CACNB2: variants seen among roughly 807,000 people sequenced by gnomAD.
CACNB2 encodes calcium voltage-gated channel auxiliary subunit beta 2.
CACNB2 carries 42 observed loss-of-function variants against 73.3 expected under a neutral mutation model. The ratio of observed to expected loss-of-function variants is 0.57; its 90% CI spans 0.45 to 0.74. The LOEUF is 0.74. Among genes scored for constraint, CACNB2 ranks in the 30% least tolerant of loss-of-function variants. The pLI, the probability that CACNB2 is intolerant of heterozygous loss-of-function variation, is 0.00. For synonymous variants in CACNB2, 348 were observed against 310.3 expected (o/e 1.12, Z -1.28); for missense variants, 940 against 853.0 (o/e 1.10, Z -1.27).
At chr10:18,511,064 A>G (rs2050748790) in intron 6 of CACNB2, among the ~76,000 whole-genome samples, 1 of 152,220 alleles carries the variant, frequency 6.6e-6, no homozygotes, top group African/African-American at 2.4e-5. Flanking sequence ...ATAGGATGGT[A>G]TAAAAGTCAG....
intron 3 of CACNB2, among the ~76,000 whole-genome samples, chr10:18,430,472 A>AG (rs2045834160): frequency 1.3e-5 from 2 of 152,016 alleles, no homozygotes; most frequent in South Asian, 4.2e-4. Context: ...AAAAAAAAAA[A>AG]TTAATTAATT....
At position 18,517,080 on chromosome 10, in the gene CACNB2, T is replaced by C. The variant is rs1477631716; in HGVS notation, c.805-1256T>C. Among the ~76,000 whole-genome samples the C allele has an allele frequency of 2.0e-5, 3 of 152,324 alleles. No individual in the cohort carries two copies. In the East Asian group the frequency reaches 5.8e-4, roughly 29 times the overall value. ...TGTAATGGGCAATTTTAAGCAACAATAAAATGTTCTTGAGTGACGGGCAGA... is the reference window on the plus strand; with the variant it reads ...TGTAATGGGCAATTTTAAGCAACAACAAAATGTTCTTGAGTGACGGGCAGA... On this transcript the variant is annotated intron_variant, in intron 7 of 13. Transcript: ENST00000324631.
At chr10:18,333,187 C>T (rs1229458998) in intron 2 of CACNB2, among the ~76,000 whole-genome samples, 8 of 152,062 alleles carry the variant, frequency 5.3e-5, no homozygotes, top group Non-Finnish European at 7.4e-5. Flanking sequence ...TGCAGTTAGT[C>T]GTAATATGCT....
chr10:18,330,683 T>C (rs1429385923), intron 2 of CACNB2, among the ~76,000 whole-genome samples: 1 of 152,122 alleles, frequency 6.6e-6, no homozygotes, highest in Non-Finnish European at 1.5e-5. Context: ...ACTTTTTTTT[T>C]TTTGAGATGG....
At chr10:18,459,467 C>T (rs2047450825) in intron 3 of CACNB2, among the ~76,000 whole-genome samples, 1 of 152,184 alleles carries the variant, frequency 6.6e-6, no homozygotes, top group African/African-American at 2.4e-5. Flanking sequence ...GCTGGGAATA[C>T]CTGAATCATC....
intron 1 of CACNB2, 30 bp from the exon 2 acceptor site, chr10:18,150,853 G>GTATTT: frequency 1.5e-6 from 1 of 655,034 alleles, no homozygotes; most frequent in Non-Finnish European, 2.1e-6. Flanking sequence ...AATCTTATTT[G>GTATTT]TCTTTTTTTT....
chr10:18,294,775 G>A (rs1023365278), intron 2 of CACNB2, among the ~76,000 whole-genome samples: 3 of 152,232 alleles, frequency 2.0e-5, no homozygotes, highest in African/African-American at 4.8e-5. Flanking sequence ...TGGCTGAATC[G>A]TAGTGTCATT....
intron 2 of CACNB2, among the ~76,000 whole-genome samples, chr10:18,319,159 G>T (rs2040303948): frequency 6.6e-6 from 1 of 152,112 alleles, no homozygotes; most frequent in Admixed American, 6.5e-5. Flanking sequence ...TACATTTATT[G>T]TGGCACTGTT....
intron 2 of CACNB2, among the ~76,000 whole-genome samples, chr10:18,334,301 C>T (rs1194398754): frequency 6.6e-6 from 1 of 152,114 alleles, no homozygotes; most frequent in Non-Finnish European, 1.5e-5. Context: ...CCCAGCTACT[C>T]CAGTGGCGTC....
At chr10:18,445,271 A>G (rs2046675860) in intron 3 of CACNB2, among the ~76,000 whole-genome samples, 1 of 152,228 alleles carries the variant, frequency 6.6e-6, no homozygotes, top group Non-Finnish European at 1.5e-5. Flanking sequence ...GAACTGGTAC[A>G]AATTACTATG....
At chr10:18,452,249 C>T (rs556638835) in intron 3 of CACNB2, among the ~76,000 whole-genome samples, 19 of 151,918 alleles carry the variant, frequency 1.3e-4, no homozygotes, top group Non-Finnish European at 2.2e-4. Flanking sequence ...AAAGTGAGAC[C>T]CTGTCTTTAC....
intron 3 of CACNB2, among the ~76,000 whole-genome samples, chr10:18,495,992 C>G (rs904661153): frequency 6.6e-6 from 1 of 151,900 alleles, no homozygotes; most frequent in Non-Finnish European, 1.5e-5. Flanking sequence ...TCGAGACCAG[C>G]CTGGCCAATA....
At chr10:18,457,870 A>G (rs2047364516) in intron 3 of CACNB2, among the ~76,000 whole-genome samples, 1 of 152,180 alleles carries the variant, frequency 6.6e-6, no homozygotes, top group South Asian at 2.1e-4. Context: ...AGCCTGGGTG[A>G]CAAGAGCAAA....
intron 2 of CACNB2, among the ~76,000 whole-genome samples, chr10:18,196,947 G>T (rs2034651675): frequency 6.6e-6 from 1 of 151,844 alleles, no homozygotes; most frequent in Non-Finnish European, 1.5e-5. Context: ...TTGAATTCAG[G>T]ATGCCCTGTT....
intron 3 of CACNB2, among the ~76,000 whole-genome samples, chr10:18,407,845 CATA>C (rs1167301534): frequency 6.6e-6 from 1 of 152,052 alleles, no homozygotes; most frequent in Non-Finnish European, 1.5e-5. Context: ...ATTCCATAGC[CATA>C]ATATTTTCTC....
At chr10:18,226,190 C>T (rs2035986826) in intron 2 of CACNB2, among the ~76,000 whole-genome samples, 1 of 151,856 alleles carries the variant, frequency 6.6e-6, no homozygotes, top group Admixed American at 6.6e-5. Flanking sequence ...CCATGCCTGG[C>T]TAATTTTTGT....
intron 2 of CACNB2, among the ~76,000 whole-genome samples, chr10:18,246,723 G>T (rs990983074): frequency 6.6e-6 from 1 of 152,138 alleles, no homozygotes; most frequent in African/African-American, 2.4e-5. Context: ...TGGGAATACA[G>T]GCATGCACCA....
chr10:18,435,566 A>G (rs182453262), intron 3 of CACNB2, among the ~76,000 whole-genome samples: 1 of 152,176 alleles, frequency 6.6e-6, no homozygotes, highest in African/African-American at 2.4e-5. Context: ...TGGGGTGAAC[A>G]TAGCTCACTG....
intron 2 of CACNB2, among the ~76,000 whole-genome samples, chr10:18,327,485 A>G (rs2040630906): frequency 6.6e-6 from 1 of 152,006 alleles, no homozygotes; most frequent in South Asian, 2.1e-4. Flanking sequence ...AGGGCAGTGG[A>G]GTGATCTCGG....
Sources: allele counts gnomAD v4.1 joint callset (sites outside exome capture counted in the v4.1 genomes callset), GRCh38; gene constraint gnomAD v4.1.1; transcripts MANE v1.5; gene names NCBI Gene and HGNC (gene_info 2026-07-23, HGNC 2026-07-21).